Variants in XIAP observed in about 807,000 individuals in gnomAD.
XIAP encodes the protein E3 ubiquitin-protein ligase XIAP.
Under a neutral mutation model 33.1 loss-of-function variants are expected in XIAP, and 3 were observed. That is an observed-to-expected ratio of 0.09 (90% CI 0.04 to 0.23). The LOEUF is 0.23. Ranked by LOEUF, XIAP falls within the 10% of genes least tolerant of loss-of-function variation. The probability of loss-of-function intolerance (pLI) is 1.00; values close to 1 mark genes in which losing one functional copy is unlikely to be tolerated. For synonymous variants in XIAP, 98 were observed against 121.3 expected, an observed-to-expected ratio of 0.81 and a Z score of 1.26; for missense variants, 264 against 363.0, an observed-to-expected ratio of 0.73 and a Z score of 2.22.
At chrX:123,902,094 T>C in intron 6 of XIAP, among the ~76,000 whole-genome samples, 1 of 112,471 alleles carries the variant, frequency 8.9e-6, no homozygotes, top group Non-Finnish European at 1.9e-5. Context: ...TGTCATTTTT[T>C]TCCTGCATCT....
intron 1 of XIAP, among the ~76,000 whole-genome samples, chrX:123,864,052 GTCTTCCTTTTTTTTT>G (rs1430464958): frequency 2.8e-5 from 3 of 108,119 alleles, no homozygotes; most frequent in Admixed American, 1.0e-4. Flanking sequence ...ATTTTATTTT[GTCTTCCTTTTTTTTT>G]TCATTTTCAG....
rs193002806 is a variant in XIAP at position 123,900,458 on chromosome X, T to G, written c.1100-35T>G. On this transcript the variant is annotated intron_variant, in intron 5 of 6. Coordinates refer to ENST00000371199, the MANE Select transcript of XIAP (RefSeq NM_001167.4). ...TGATAATGAAAATAATTGTTTAAAT[T>G]CTATGTTCTTTTTCCTCACCAATTT... The G allele has an allele frequency of 3.5e-4, 391 of 1,110,363 alleles. 1 individual carries two copies. In the African/African-American group the frequency reaches 6.0e-3, roughly 17 times the overall value. The allele number at this position is 1,110,363 out of a possible 1,213,427, so 91.5% of individuals were successfully genotyped here.
At position 123,908,729 on chromosome X, in the gene XIAP, A is replaced by G; in HGVS notation, c.*1548A>G. On this transcript the variant is annotated 3_prime_UTR_variant, in exon 7 of 7. Coordinates refer to ENST00000371199, the MANE Select transcript of XIAP (RefSeq NM_001167.4). ...GAAATTATAAAAATATTGGCAAGAA[A>G]AGAAGAATAGTTGTTTAAATATTTT... The G allele has an allele frequency of 5.7e-6, 2 of 349,245 alleles. No individual in the cohort carries two copies. The highest frequency in any genetic ancestry group is 1.1e-5 in the Non-Finnish European group (2 of 183,988). 28.8% of individuals were successfully genotyped at this position (349,245 alleles called of 1,213,427 possible).
At chrX:123,878,243 A>G (rs187840416) in intron 1 of XIAP, among the ~76,000 whole-genome samples, 306 of 108,027 alleles carry the variant, frequency 2.8e-3, no homozygotes, top group Non-Finnish European at 3.8e-3. Flanking sequence ...AGCTTTATTA[A>G]GATAAAATTT....
Position 123,912,249 on chromosome X carries a change from A to AT in XIAP, c.*5068_*5069insT, listed in dbSNP as rs58114044. On this transcript the variant is annotated 3_prime_UTR_variant, in exon 7 of 7. Coordinates refer to ENST00000371199, the MANE Select transcript of XIAP (RefSeq NM_001167.4). Reference sequence around the variant, plus strand: ...AAAAAGACCACACAATAAAAAAAAAAAATACAAAATAATACAAAGAAAAAG... The same window carrying AT: ...AAAAAGACCACACAATAAAAAAAAAATAATACAAAATAATACAAAGAAAAAG... 0.18 allele frequency: 52,299 copies of AT among 288,597 alleles called. 3,726 individuals carry two copies. Among genetic ancestry groups the AT allele is most frequent in the South Asian group, 0.31 (9,226 of 29,730 alleles). The allele number at this position is 288,597 out of a possible 1,213,427, so 23.8% of individuals were successfully genotyped here.
chrX:123,909,211 A>C lies in XIAP; in HGVS notation c.*2030A>C. The C allele has an allele frequency of 3.5e-6, 1 of 287,979 alleles. No individual in the cohort carries two copies. Among genetic ancestry groups the C allele is most frequent in the Non-Finnish European group, 6.5e-6 (1 of 153,124 alleles). 23.7% of individuals were successfully genotyped at this position (287,979 alleles called of 1,213,427 possible). ...GCCCGACTAATTTTTTTTTATTTTTAGTAGAGACGGGGTTTCACCATGTTG... is the reference window on the plus strand; with the variant it reads ...GCCCGACTAATTTTTTTTTATTTTTCGTAGAGACGGGGTTTCACCATGTTG... On this transcript the variant is annotated 3_prime_UTR_variant, in exon 7 of 7. Transcript: ENST00000371199.
chrX:123,903,424 G>A lies in XIAP; in HGVS notation c.1300+2731G>A, dbSNP rs554181613. Among the ~76,000 whole-genome samples, 5 of 108,592 alleles carry A rather than the reference G, an allele frequency of 4.6e-5. No homozygotes were observed. The South Asian group carries it at 1.2e-3, about 26-fold the overall frequency. The allele number at this position is 108,592 out of a possible 115,157, so 94.3% of individuals were successfully genotyped here. A position where few individuals can be genotyped will look rare whatever the true frequency, so the allele number is the denominator to read the frequency against. On this transcript the variant is annotated intron_variant, in intron 6 of 6. Transcript: ENST00000371199. ...GCCGGTCTCCAACTTCCAACCTCAG[G>A]TGATCTGCCCGCCTCGGCCTCATAA...
In XIAP at chrX:123,888,733, T is replaced by A; in HGVS notation, c.977+15T>A. The A allele has an allele frequency of 8.4e-7, 1 of 1,186,580 alleles. No individual in the cohort carries two copies. On this transcript the variant is annotated intron_variant, in intron 3 of 6. Transcript: ENST00000371199. Reference sequence around the variant, plus strand: ...TGGTATCCAGGGTAAGATATTTAATTGTTCATTGTACAGGCAAGTTGGATA... The same window carrying A: ...TGGTATCCAGGGTAAGATATTTAATAGTTCATTGTACAGGCAAGTTGGATA...
At chrX:123,876,880 C>A (rs1006561312) in intron 1 of XIAP, among the ~76,000 whole-genome samples, 1 of 111,389 alleles carries the variant, frequency 9.0e-6, no homozygotes, top group African/African-American at 3.3e-5. Context: ...GTGTAAAAAT[C>A]TTTTAATCTT....
At chrX:123,892,794 T>C (rs776571560) in intron 5 of XIAP, 21 bp downstream of exon 5, 12 of 1,151,632 alleles carry the variant, frequency 1.0e-5, no homozygotes, top group Non-Finnish European at 1.4e-5. Context: ...TTGTTAACTA[T>C]CCTTTTAATT....
At chrX:123,885,276 C>CATATTTT (rs1255299474) in intron 1 of XIAP, among the ~76,000 whole-genome samples, 2 of 111,765 alleles carry the variant, frequency 1.8e-5, no homozygotes, top group Non-Finnish European at 3.8e-5. Flanking sequence ...TAATAATCTG[C>CATATTTT]ATATTTTATG....
intron 6 of XIAP, among the ~76,000 whole-genome samples, chrX:123,905,602 T>C (rs1428009142): frequency 8.9e-6 from 1 of 112,109 alleles, no homozygotes; most frequent in East Asian, 2.8e-4. Flanking sequence ...GTTCTTTACT[T>C]GTCTATGAAC....
intron 5 of XIAP, among the ~76,000 whole-genome samples, chrX:123,899,199 GATTGTGTATATATATATGATTTTGTA>G (rs2053492727): frequency 2.7e-5 from 1 of 37,702 alleles, no homozygotes; most frequent in African/African-American, 1.2e-4. Context: ...ATATATATAT[GATTGTGTATATATATATGATTTTGTA>G]TATATATATG....
rs371671137 is a variant in XIAP at position 123,888,615 on chromosome X, G to T, written c.878-4G>T. The T allele has an allele frequency of 8.3e-7, 1 of 1,205,409 alleles. No individual in the cohort carries two copies. The highest frequency in any genetic ancestry group is 1.7e-5 in the African/African-American group (1 of 57,179). ...AATACATATATTCCTGTGTGTTTTC[G>T]TAGGTGAAGGTGATAAAGTAAAGTG... On this transcript the variant is annotated splice_polypyrimidine_tract_variant and splice_region_variant and intron_variant, in intron 2 of 6. Coordinates refer to ENST00000371199, the MANE Select transcript of XIAP (RefSeq NM_001167.4).
At chrX:123,889,011 C>A (rs1034161924) in intron 3 of XIAP, among the ~76,000 whole-genome samples, 4 of 109,618 alleles carry the variant, frequency 3.6e-5, no homozygotes, top group African/African-American at 1.3e-4. Flanking sequence ...CTCTGCCTCC[C>A]AGGTTCAAGT....
chrX:123,861,725 A>G (rs1016783679), intron 1 of XIAP, among the ~76,000 whole-genome samples: 5 of 92,451 alleles, frequency 5.4e-5, no homozygotes, highest in African/African-American at 2.1e-4. Context: ...AGTATATACC[A>G]ATGGTATGTA....
intron 5 of XIAP, among the ~76,000 whole-genome samples, chrX:123,898,057 T>C (rs1033668389): frequency 5.3e-5 from 6 of 112,295 alleles, no homozygotes; most frequent in Admixed American, 4.7e-4. Context: ...CCACTCAGAC[T>C]GAATCTAATC....
In XIAP at chrX:123,913,933, G is replaced by A; in HGVS notation, c.*6752G>A. 1 of 306,265 alleles carries A rather than the reference G, an allele frequency of 3.3e-6. No homozygotes were observed. Among genetic ancestry groups the A allele is most frequent in the Non-Finnish European group, 6.2e-6 (1 of 160,715 alleles). The allele number at this position is 306,265 out of a possible 1,213,427, so 25.2% of individuals were successfully genotyped here. On this transcript the variant is annotated 3_prime_UTR_variant, in exon 7 of 7. Coordinates refer to ENST00000371199, the MANE Select transcript of XIAP (RefSeq NM_001167.4). Reference sequence around the variant, plus strand: ...TGTAGATTAAAGCTTATTTTTCTGTGAATAAAACGTATTCAATAAAATACT... The same window carrying A: ...TGTAGATTAAAGCTTATTTTTCTGTAAATAAAACGTATTCAATAAAATACT...
chrX:123,898,652 C>T (rs971841466), intron 5 of XIAP, among the ~76,000 whole-genome samples: 1 of 109,021 alleles, frequency 9.2e-6, no homozygotes, highest in Non-Finnish European at 1.9e-5. Flanking sequence ...CCATGCCCAG[C>T]CTTATCTTTT....
Sources: allele counts gnomAD v4.1 joint callset (sites outside exome capture counted in the v4.1 genomes callset), GRCh38; gene constraint gnomAD v4.1.1; transcripts MANE v1.5; gene names NCBI Gene and HGNC (gene_info 2026-07-23, HGNC 2026-07-21).